PPP1R7: variants seen among roughly 807,000 people sequenced by gnomAD.
PPP1R7 encodes the protein protein phosphatase 1 regulatory subunit 7, also known as protein phosphatase 1 regulatory subunit 22.
In PPP1R7, 18 loss-of-function variants were observed where a neutral mutation model predicts 45.2. The ratio of observed to expected loss-of-function variants is 0.40; its 90% CI spans 0.28 to 0.59. The LOEUF is 0.59. PPP1R7 is among the 20% of genes least tolerant of loss of function. The pLI, the probability that PPP1R7 is intolerant of heterozygous loss-of-function variation, is 0.46. For missense variants in PPP1R7, 314 were observed against 455.8 expected (o/e 0.69, Z 2.83); for synonymous variants, 181 against 183.4 (o/e 0.99, Z 0.11).
At chr2:241,150,619 T>C in intron 1 of PPP1R7, 72 bp downstream of exon 1, 1 of 1,451,756 alleles carries the variant, frequency 6.9e-7, no homozygotes, top group South Asian at 1.4e-5. Context: ...AACTGCTCCG[T>C]GCCTGAGAGA....
chr2:241,165,190 G>A (rs1242543656), intron 7 of PPP1R7, among the ~76,000 whole-genome samples: 1 of 151,368 alleles, frequency 6.6e-6, no homozygotes, highest in South Asian at 2.1e-4. Context: ...TTTTTGAGAT[G>A]GAATTTCGCT....
chr2:241,162,840 G>A (rs1002426463), intron 6 of PPP1R7, among the ~76,000 whole-genome samples: 4 of 151,976 alleles, frequency 2.6e-5, no homozygotes, highest in African/African-American at 7.3e-5. Flanking sequence ...CCGCCGCCAC[G>A]CCCAGCTAAT....
At chr2:241,156,358 A>AG (rs1247256726) in intron 2 of PPP1R7, among the ~76,000 whole-genome samples, 37 of 152,262 alleles carry the variant, frequency 2.4e-4, no homozygotes, top group African/African-American at 8.7e-4. Context: ...GAAAACTGCA[A>AG]GGGGAAAAAA....
intron 5 of PPP1R7, among the ~76,000 whole-genome samples, chr2:241,160,030 A>G (rs941837077): frequency 6.6e-6 from 1 of 152,274 alleles, no homozygotes; most frequent in South Asian, 2.1e-4. Context: ...AGGTCCTGTC[A>G]TGGGCACAAG....
intron 2 of PPP1R7, among the ~76,000 whole-genome samples, chr2:241,156,402 G>A (rs2067457972): frequency 6.6e-6 from 1 of 152,246 alleles, no homozygotes; most frequent in Non-Finnish European, 1.5e-5. Context: ...TGGGTGCAGT[G>A]GCTCGTGCCT....
chr2:241,173,535 G>A (rs1242451128), intron 9 of PPP1R7, among the ~76,000 whole-genome samples: 3 of 152,032 alleles, frequency 2.0e-5, no homozygotes, highest in Non-Finnish European at 4.4e-5. Context: ...TGAATATAGC[G>A]TGCCATGGTG....
At chr2:241,174,697 TAG>T (rs1378011754) in intron 9 of PPP1R7, among the ~76,000 whole-genome samples, 2 of 151,140 alleles carry the variant, frequency 1.3e-5, no homozygotes, top group African/African-American at 4.9e-5. Flanking sequence ...TTTTTTGAGA[TAG>T]AGTCTTGCTC....
At chr2:241,175,839 A>G (rs1172757440) in intron 9 of PPP1R7, among the ~76,000 whole-genome samples, 1 of 152,134 alleles carries the variant, frequency 6.6e-6, no homozygotes, top group Non-Finnish European at 1.5e-5. Context: ...GCTGGAGTGC[A>G]ATGGCACAAT....
rs2068041053 is a variant in PPP1R7 at position 241,183,294 on chromosome 2, C to G, written c.*471C>G. On this transcript the variant is annotated 3_prime_UTR_variant, in exon 10 of 10. Coordinates refer to ENST00000234038, the MANE Select transcript of PPP1R7 (RefSeq NM_002712.3). ...ACCGAGGTTTTTTAGTCTTTTAACC[C>G]AGCCATTTTCAATTTTTTAAAAATT... 1 of 429,246 alleles carries G rather than the reference C, an allele frequency of 2.3e-6. No homozygotes were observed. Among genetic ancestry groups the G allele is most frequent in the Admixed American group, 2.8e-5 (1 of 35,826 alleles). The allele number at this position is 429,246 out of a possible 1,614,324, so 26.6% of individuals were successfully genotyped here.
At chr2:241,160,219 C>T (rs551711834) in intron 5 of PPP1R7, 113 bp from the exon 6 acceptor site, 12 of 759,640 alleles carry the variant, frequency 1.6e-5, no homozygotes, top group South Asian at 1.6e-4. Flanking sequence ...CTCTCCCACC[C>T]GGTAGTGACT....
At chr2:241,176,331 T>TAAC (rs61707599) in intron 9 of PPP1R7, among the ~76,000 whole-genome samples, 2,980 of 152,336 alleles carry the variant, frequency 0.02, 104 homozygotes, top group African/African-American at 0.067. Flanking sequence ...GATGCAGGGC[T>TAAC]AACATCCTTA....
At chr2:241,156,811 A>C (rs1021189613) in intron 2 of PPP1R7, among the ~76,000 whole-genome samples, 1 of 152,266 alleles carries the variant, frequency 6.6e-6, no homozygotes, top group South Asian at 2.1e-4. Context: ...GAACACTGAC[A>C]ATCTTTGGTG....
In PPP1R7 at chr2:241,150,532, CAGG is replaced by C; in HGVS notation, c.40_42del (p.Glu14del). On this transcript the variant is annotated inframe_deletion, in exon 1 of 10. Transcript: ENST00000234038. Reference sequence around the variant, plus strand: ...ACGCGGCGCGGGGCAGCAACAGTCGCAGGAGATGATGGAGGGTGAGCGGCCCCT... The same window carrying C: ...ACGCGGCGCGGGGCAGCAACAGTCGCAGATGATGGAGGGTGAGCGGCCCCT... 6.3e-7 allele frequency: 1 copy of C among 1,598,304 alleles called. No individual in the cohort carries two copies. Among genetic ancestry groups the C allele is most frequent in the Non-Finnish European group, 8.5e-7 (1 of 1,173,936 alleles).
At chr2:241,176,826 A>G (rs993279440) in intron 9 of PPP1R7, among the ~76,000 whole-genome samples, 7 of 152,240 alleles carry the variant, frequency 4.6e-5, no homozygotes, top group African/African-American at 1.7e-4. Context: ...AGGTTGGTGA[A>G]GACTCATAGA....
intron 2 of PPP1R7, among the ~76,000 whole-genome samples, chr2:241,154,676 G>A (rs2067408880): frequency 6.6e-6 from 1 of 151,916 alleles, no homozygotes; most frequent in African/African-American, 2.4e-5. Flanking sequence ...CTGCACTCCA[G>A]CCGGGGTCAG....
upstream of PPP1R7, chr2:241,149,604 G>T: frequency 3.0e-5 from 45 of 1,512,288 alleles, no homozygotes; most frequent in Non-Finnish European, 4.0e-5. Context: ...TGCTAGGGAC[G>T]CACCAAACAC....
At chr2:241,156,175 C>T (rs2067451754) in intron 2 of PPP1R7, among the ~76,000 whole-genome samples, 1 of 152,162 alleles carries the variant, frequency 6.6e-6, no homozygotes, top group Non-Finnish European at 1.5e-5. Flanking sequence ...CACTCCCCTG[C>T]AGAAGCAAGT....
chr2:241,149,630 G>A (rs550646731), upstream of PPP1R7: 24 of 1,538,350 alleles, frequency 1.6e-5, no homozygotes, highest in East Asian at 4.9e-4. Flanking sequence ...CGGCGCTTCG[G>A]AGGAGCCAAA....
At chr2:241,178,044 G>T (rs540459454) in intron 9 of PPP1R7, among the ~76,000 whole-genome samples, 1 of 152,338 alleles carries the variant, frequency 6.6e-6, no homozygotes, top group Admixed American at 6.5e-5. Flanking sequence ...ATGCTTTCCT[G>T]TAGGCAGCGC....
Sources: allele counts gnomAD v4.1 joint callset (sites outside exome capture counted in the v4.1 genomes callset), GRCh38; gene constraint gnomAD v4.1.1; transcripts MANE v1.5; gene names NCBI Gene and HGNC (gene_info 2026-07-23, HGNC 2026-07-21).